Variants in R3HDM1 observed in about 807,000 individuals in gnomAD.
R3HDM1 encodes R3H domain-containing protein 1.
Under a neutral mutation model 141.1 loss-of-function variants are expected in R3HDM1, and 46 were observed. That is an observed-to-expected ratio of 0.33 (90% CI 0.26 to 0.42). The LOEUF is 0.42. Among genes scored for constraint, R3HDM1 ranks in the 10% least tolerant of loss-of-function variants. The pLI is 1.00. For synonymous variants in R3HDM1, 435 were observed against 472.9 expected (o/e 0.92, Z 1.04); for missense variants, 1,184 against 1,368.3 (o/e 0.87, Z 2.12).
chr2:135,635,889 G>A lies in R3HDM1; in HGVS notation c.699-1G>A. 6.3e-7 allele frequency: 1 copy of A among 1,584,370 alleles called. No individual in the cohort carries two copies. The highest frequency in any genetic ancestry group is 8.6e-7 in the Non-Finnish European group (1 of 1,169,072). On this transcript the variant is annotated splice_acceptor_variant, in intron 9 of 26. Coordinates refer to ENST00000683871, the MANE Select transcript of R3HDM1 (RefSeq NM_001378107.1). LOFTEE classifies it high-confidence loss of function. The stretch of plus-strand genomic sequence containing the variant: ...CTTTGTTTTTGTTTTTGTTTTTTAA[G>A]ACCTGATCAGAAATTTAATGAACAT...
Position 135,556,451 on chromosome 2 carries a change from A to G in R3HDM1, c.-250+24818A>G, listed in dbSNP as rs141769762. Among the ~76,000 whole-genome samples, 4 of 152,270 alleles carry G rather than the reference A, an allele frequency of 2.6e-5. No individual in the cohort carries two copies. The East Asian group carries it at 5.8e-4, about 22-fold the overall frequency. On this transcript the variant is annotated intron_variant, in intron 1 of 26. Transcript: ENST00000683871. ...ATATGATCAAAAAATGAAAAAATCA[A>G]CTAGACCTGGTAATCTGTGTTTAAG...
intron 1 of R3HDM1, among the ~76,000 whole-genome samples, chr2:135,578,212 G>A (rs1013057136): frequency 6.6e-6 from 1 of 152,148 alleles, no homozygotes; most frequent in Non-Finnish European, 1.5e-5. Context: ...GAGGAAAATC[G>A]CTGAACTACT....
chr2:135,593,956 G>T (rs1429171908), intron 1 of R3HDM1, among the ~76,000 whole-genome samples: 1 of 152,178 alleles, frequency 6.6e-6, no homozygotes, highest in African/African-American at 2.4e-5. Context: ...CTGACCTCAG[G>T]TGATCCGCCC....
intron 1 of R3HDM1, among the ~76,000 whole-genome samples, chr2:135,565,342 T>TTAA (rs1214433450): frequency 6.8e-6 from 1 of 147,452 alleles, no homozygotes; most frequent in East Asian, 1.9e-4. Flanking sequence ...ATTATTATTA[T>TTAA]TATTATTATT....
chr2:135,591,572 T>G (rs1709285099), intron 1 of R3HDM1, among the ~76,000 whole-genome samples: 1 of 152,190 alleles, frequency 6.6e-6, no homozygotes, highest in Non-Finnish European at 1.5e-5. Flanking sequence ...GCCAACATTA[T>G]CATGCTATGA....
chr2:135,655,355 C>T (rs2065699805), intron 18 of R3HDM1, among the ~76,000 whole-genome samples: 1 of 152,168 alleles, frequency 6.6e-6, no homozygotes, highest in African/African-American at 2.4e-5. Context: ...TTCCTGGGCT[C>T]TCACCTTACC....
chr2:135,649,449 G>A (rs1188924002), intron 16 of R3HDM1: 1 of 152,126 alleles, frequency 6.6e-6, no homozygotes, highest in African/African-American at 2.4e-5. Flanking sequence ...AATAGTTATT[G>A]TGTAAGTTAT....
intron 17 of R3HDM1, chr2:135,650,410 G>T (rs1384851946): frequency 8.1e-6 from 8 of 984,570 alleles, no homozygotes. Context: ...AGGGTGAGTT[G>T]TAGCTTACAG....
chr2:135,607,146 G>T (rs1403383179), intron 3 of R3HDM1: 2 of 178,736 alleles, frequency 1.1e-5, no homozygotes, highest in African/African-American at 4.8e-5. Context: ...GCGCCACCAT[G>T]CTCAGCTAAT....
chr2:135,723,084 A>G (rs1313784593), intron 26 of R3HDM1, among the ~76,000 whole-genome samples: 2 of 152,132 alleles, frequency 1.3e-5, no homozygotes, highest in Non-Finnish European at 2.9e-5. Context: ...ACTACCAGTA[A>G]AGACTATGAC....
intron 1 of R3HDM1, among the ~76,000 whole-genome samples, chr2:135,545,335 A>G (rs1698463971): frequency 6.6e-6 from 1 of 152,210 alleles, no homozygotes; most frequent in Admixed American, 6.5e-5. Context: ...TAAGTATAAT[A>G]TAGTGTCAGA....
intron 1 of R3HDM1, among the ~76,000 whole-genome samples, chr2:135,541,936 A>C (rs192593392): frequency 6.6e-6 from 1 of 152,154 alleles, no homozygotes; most frequent in East Asian, 1.9e-4. Flanking sequence ...TTTACCCAAA[A>C]TGTGTGAGAC....
chr2:135,715,658 A>T lies in R3HDM1; in HGVS notation c.2845A>T (p.Met949Leu). The change falls in exon 24 of 27, where the codon ATG becomes TTG. Residue 949 changes from methionine (M) to leucine (L), a missense_variant. By Grantham distance (15) the Met-to-Leu change is conservative (BLOSUM62 2). Transcript: ENST00000683871. ...TCCCTCTGGACCACCACTTTCCATC[A>T]TGCCCCAATTTTCTAGACCTTTTGT... ...VRPSGPPLSI[M>L]PQFSRPFVPG... 6.2e-7 allele frequency: 1 copy of T among 1,613,746 alleles called. No individual in the cohort carries two copies. Among genetic ancestry groups the T allele is most frequent in the Non-Finnish European group, 8.5e-7 (1 of 1,179,810 alleles).
chr2:135,617,103 C>G (rs1293146176), intron 5 of R3HDM1, among the ~76,000 whole-genome samples: 3 of 152,110 alleles, frequency 2.0e-5, no homozygotes, highest in Non-Finnish European at 4.4e-5. Context: ...GTGGGCACAT[C>G]ACGAGGTCAG....
intron 18 of R3HDM1, among the ~76,000 whole-genome samples, chr2:135,659,131 T>C (rs2066334704): frequency 6.6e-6 from 1 of 151,288 alleles, no homozygotes; most frequent in East Asian, 2.0e-4. Context: ...AGAGTCTCAC[T>C]TTGTCACCCA....
Position 135,710,242 on chromosome 2 carries a change from T to G in R3HDM1, c.2736+11T>G, listed in dbSNP as rs779486285. 6.2e-7 allele frequency: 1 copy of G among 1,606,046 alleles called. No individual in the cohort carries two copies. The highest frequency in any genetic ancestry group is 1.1e-5 in the South Asian group (1 of 90,294). ...GACAATATTGTCCAGGTAAGATGGT[T>G]TTGTTCATTATCATTTTGAAACGTT... On this transcript the variant is annotated intron_variant, in intron 23 of 26. Transcript: ENST00000683871.
rs376384789 is a variant in R3HDM1 at position 135,677,935 on chromosome 2, C to T, written c.2308-2238C>T. Among the ~76,000 whole-genome samples the T allele has an allele frequency of 6.1e-4, 93 of 151,970 alleles. 1 individual carries two copies. The highest frequency in any genetic ancestry group is 1.9e-3 in the African/African-American group (79 of 41,448). The stretch of plus-strand genomic sequence containing the variant: ...TAGTGGTCGGTCGCTTGCTCTCTCT[C>T]GCTCGCTCTCTCTCCCCCTCCCTCC... On this transcript the variant is annotated intron_variant, in intron 20 of 26. Transcript: ENST00000683871.
rs1553520611 is a variant in R3HDM1, at chr2:135,549,576, A to AAAC, written c.-250+17945_-250+17946insCAA. On this transcript the variant is annotated intron_variant, in intron 1 of 26. Transcript: ENST00000683871. Reference sequence around the variant, plus strand: ...AACTCTGCCTCAAAAAAAAAAAAAAAAAAAACAAAAACAAAATGGGGTCTT... The same window carrying AAAC: ...AACTCTGCCTCAAAAAAAAAAAAAAAAACAAAAACAAAAACAAAATGGGGTCTT... Among the ~76,000 whole-genome samples, 518 of 147,998 alleles carry AAAC rather than the reference A, an allele frequency of 3.5e-3. 7 individuals are homozygous for AAAC. Among genetic ancestry groups the AAAC allele is most frequent in the African/African-American group, 0.012 (485 of 39,236 alleles).
chr2:135,573,418 C>T (rs574192470), intron 1 of R3HDM1, among the ~76,000 whole-genome samples: 5 of 152,198 alleles, frequency 3.3e-5, no homozygotes, highest in East Asian at 1.9e-4. Flanking sequence ...TCCTGCCTGC[C>T]GCAAGACTTT....
Sources: allele counts gnomAD v4.1 joint callset (sites outside exome capture counted in the v4.1 genomes callset), GRCh38; gene constraint gnomAD v4.1.1; transcripts MANE v1.5; gene names NCBI Gene and HGNC (gene_info 2026-07-23, HGNC 2026-07-21).